The following ANTXR2 variants were observed in gnomAD, a reference collection of about 807,000 sequenced individuals.
ANTXR2 encodes anthrax toxin receptor 2.
In ANTXR2, 44 loss-of-function variants were observed where a neutral mutation model predicts 73.7. The ratio of observed to expected loss-of-function variants is 0.60; its 90% CI spans 0.47 to 0.77. The LOEUF (loss-of-function observed/expected upper bound fraction) is 0.77, where lower values mean the gene tolerates loss of function less well. ANTXR2 is among the 30% of genes least tolerant of loss of function. The pLI, the probability that ANTXR2 is intolerant of heterozygous loss-of-function variation, is 0.00. For synonymous variants in ANTXR2, 217 were observed against 205.9 expected (o/e 1.05, Z -0.46); for missense variants, 604 against 592.5 (o/e 1.02, Z -0.20).
intron 10 of ANTXR2, among the ~76,000 whole-genome samples, chr4:80,022,035 A>G (rs1241443668): frequency 6.6e-6 from 1 of 152,206 alleles, no homozygotes; most frequent in Non-Finnish European, 1.5e-5. Context: ...GCCCATGAAG[A>G]AACAAGCTTA....
Position 79,927,899 on chromosome 4 carries a change from T to C in ANTXR2, c.1429-20432A>G, listed in dbSNP as rs552460063. Among the ~76,000 whole-genome samples the C allele has an allele frequency of 3.9e-5, 6 of 152,302 alleles. No individual in the cohort carries two copies. In the East Asian group the frequency reaches 5.8e-4, roughly 15 times the overall value. On this transcript the variant is annotated intron_variant, in intron 16 of 16. Coordinates refer to ENST00000403729, the MANE Select transcript of ANTXR2 (RefSeq NM_058172.6). ...GAGTGTGGAAAGACTGAAATCCTCATGCATTGCTGGTGGAAATGTAAAATG... is the reference window on the plus strand; with the variant it reads ...GAGTGTGGAAAGACTGAAATCCTCACGCATTGCTGGTGGAAATGTAAAATG...
chr4:79,982,166 A>T (rs986176127), intron 14 of ANTXR2, among the ~76,000 whole-genome samples: 1 of 152,170 alleles, frequency 6.6e-6, no homozygotes, highest in Non-Finnish European at 1.5e-5. Context: ...TAAGGCTCAC[A>T]TACTAATATC....
chr4:79,999,383 TTCC>T (rs1355940923), intron 12 of ANTXR2, among the ~76,000 whole-genome samples: 3 of 151,996 alleles, frequency 2.0e-5, no homozygotes, highest in Non-Finnish European at 4.4e-5. Context: ...AGGTCTTTGC[TTCC>T]TCTTCACCTT....
intron 14 of ANTXR2, among the ~76,000 whole-genome samples, chr4:79,982,740 A>C (rs1478140134): frequency 1.3e-5 from 2 of 152,192 alleles, no homozygotes; most frequent in Non-Finnish European, 2.9e-5. Context: ...GCAATGAGGT[A>C]TCTGCCTCAG....
chr4:79,915,815 TCTCTGTCTCTCTCC>T (rs1240931005), intron 16 of ANTXR2, among the ~76,000 whole-genome samples: 9 of 122,350 alleles, frequency 7.4e-5, no homozygotes, highest in South Asian at 6.5e-4. Context: ...TCTGTCTCTG[TCTCTGTCTCTCTCC>T]CTCTCTCTCT....
At chr4:80,000,043 T>A (rs1730954011) in intron 12 of ANTXR2, among the ~76,000 whole-genome samples, 1 of 152,022 alleles carries the variant, frequency 6.6e-6, no homozygotes, top group African/African-American at 2.4e-5. Flanking sequence ...AACGATAAAT[T>A]TCAGTTGGAA....
chr4:79,992,540 C>T (rs1730523733), intron 12 of ANTXR2, among the ~76,000 whole-genome samples: 1 of 151,364 alleles, frequency 6.6e-6, no homozygotes, highest in African/African-American at 2.4e-5. Context: ...TTTTGGTAAT[C>T]ATGAAAGATA....
intron 7 of ANTXR2, among the ~76,000 whole-genome samples, chr4:80,042,562 T>C (rs185138947): frequency 1.7e-4 from 26 of 152,198 alleles, no homozygotes; most frequent in Middle Eastern, 3.4e-3. Context: ...ATATGCTCTC[T>C]ATATAGGTTT....
At chr4:80,046,161 T>G (rs1327842768) in intron 7 of ANTXR2, among the ~76,000 whole-genome samples, 1 of 151,836 alleles carries the variant, frequency 6.6e-6, no homozygotes, top group Admixed American at 6.6e-5. Flanking sequence ...ACAAAACAGA[T>G]GGATAGTTCT....
chr4:79,945,982 A>T (rs1728500299), intron 16 of ANTXR2, among the ~76,000 whole-genome samples: 1 of 152,170 alleles, frequency 6.6e-6, no homozygotes, highest in South Asian at 2.1e-4. Flanking sequence ...ATAGAGATAC[A>T]AATTTTTGAA....
chr4:80,014,620 T>C (rs1400466474), intron 11 of ANTXR2, among the ~76,000 whole-genome samples: 1 of 152,092 alleles, frequency 6.6e-6, no homozygotes, highest in Non-Finnish European at 1.5e-5. Flanking sequence ...AAAATATTTC[T>C]CCGCCTTTTG....
chr4:79,963,134 G>A (rs954811437), intron 16 of ANTXR2, among the ~76,000 whole-genome samples: 2 of 152,106 alleles, frequency 1.3e-5, no homozygotes, highest in East Asian at 1.9e-4. Flanking sequence ...TTAACATAAT[G>A]GAGTACAAAG....
intron 7 of ANTXR2, among the ~76,000 whole-genome samples, chr4:80,040,036 G>A (rs749474675): frequency 6.6e-6 from 1 of 151,968 alleles, no homozygotes; most frequent in African/African-American, 2.4e-5. Flanking sequence ...AAGACTGCAC[G>A]TTCTCACTTA....
chr4:80,035,897 A>G, intron 8 of ANTXR2, 75 bp downstream of exon 8: 7 of 1,158,762 alleles, frequency 6.0e-6, no homozygotes, highest in South Asian at 2.9e-5. Flanking sequence ...TTCCAACATG[A>G]GTTTCATATC....
chr4:80,010,413 T>C (rs533895587), intron 11 of ANTXR2, among the ~76,000 whole-genome samples: 1 of 152,318 alleles, frequency 6.6e-6, no homozygotes, highest in Admixed American at 6.5e-5. Context: ...TCTGTGACTG[T>C]CCATGTACAG....
chr4:79,999,648 T>G (rs1730922477), intron 12 of ANTXR2, among the ~76,000 whole-genome samples: 1 of 152,102 alleles, frequency 6.6e-6, no homozygotes, highest in Non-Finnish European at 1.5e-5. Flanking sequence ...ATATGAGATA[T>G]GGAAATATGT....
chr4:80,042,501 C>T (rs1386614601), intron 7 of ANTXR2, among the ~76,000 whole-genome samples: 1 of 151,872 alleles, frequency 6.6e-6, no homozygotes. Flanking sequence ...GTCCTCTCCC[C>T]CTCACTGTCT....
intron 16 of ANTXR2, among the ~76,000 whole-genome samples, chr4:79,915,009 A>T (rs1293138835): frequency 6.6e-6 from 1 of 152,170 alleles, no homozygotes; most frequent in Non-Finnish European, 1.5e-5. Flanking sequence ...CTAAACTCAC[A>T]ATCGGAATCT....
Position 80,036,019 on chromosome 4 carries a change from G to C in ANTXR2, c.650C>G (p.Ser217Ter), listed in dbSNP as rs1338679225. ...CTGCAATTCTAGGATTTCAGTACATGACTGAGCTAGTATCTAAAAAAGAAA... is the reference window on the plus strand; with the variant it reads ...CTGCAATTCTAGGATTTCAGTACATCACTGAGCTAGTATCTAAAAAAGAAA... ...KGIINSILAQ[S>*]CTEILELQPS... Residue 217 changes from serine (S) to a stop codon, truncating the protein, a stop_gained, in exon 8 of 17, where the codon TCA (serine) becomes TGA (stop). Coordinates refer to ENST00000403729, the MANE Select transcript of ANTXR2 (RefSeq NM_058172.6). LOFTEE classifies it high-confidence loss of function. 6.6e-7 allele frequency: 1 copy of C among 1,519,846 alleles called. No individual in the cohort carries two copies. Among genetic ancestry groups the C allele is most frequent in the South Asian group, 1.3e-5 (1 of 76,676 alleles). 94.1% of individuals were successfully genotyped at this position (1,519,846 alleles called of 1,614,324 possible). A position where few individuals can be genotyped will look rare whatever the true frequency, so the allele number is the denominator to read the frequency against.
Sources: allele counts gnomAD v4.1 joint callset (sites outside exome capture counted in the v4.1 genomes callset), GRCh38; gene constraint gnomAD v4.1.1; transcripts MANE v1.5; gene names NCBI Gene and HGNC (gene_info 2026-07-23, HGNC 2026-07-21).